The following CNTNAP2 variants were observed in gnomAD, a reference collection of about 807,000 sequenced individuals.
The protein encoded by CNTNAP2 is contactin-associated protein-like 2.
A neutral mutation model predicts 155.2 loss-of-function variants in CNTNAP2; 98 were observed. The ratio of observed to expected loss-of-function variants is 0.63; its 90% confidence interval spans 0.54 to 0.75. The LOEUF is 0.75. Ranked by LOEUF, CNTNAP2 falls within the 30% of genes least tolerant of loss-of-function variation. The probability of loss-of-function intolerance (pLI) is 0.00; values close to 1 mark genes in which losing one functional copy is unlikely to be tolerated. For missense variants in CNTNAP2, 1,727 were observed against 1,688.1 expected, an observed-to-expected ratio of 1.02 and a Z score of -0.40; for synonymous variants, 651 against 631.2, an observed-to-expected ratio of 1.03 and a Z score of -0.47.
chr7:148,152,131 C>T (rs529858692), intron 17 of CNTNAP2, among the ~76,000 whole-genome samples: 2 of 151,956 alleles, frequency 1.3e-5, no homozygotes, highest in Admixed American at 6.6e-5. Flanking sequence ...TTTTCTTGCC[C>T]GCTACACAGG....
At chr7:147,872,927 C>G (rs1799352326) in intron 13 of CNTNAP2, among the ~76,000 whole-genome samples, 1 of 152,176 alleles carries the variant, frequency 6.6e-6, no homozygotes, top group Non-Finnish European at 1.5e-5. Context: ...TAGTTCATGT[C>G]TCTTTAGATT....
intron 10 of CNTNAP2, among the ~76,000 whole-genome samples, chr7:147,417,911 C>A (rs570550749): frequency 1.3e-5 from 2 of 152,086 alleles, no homozygotes; most frequent in Non-Finnish European, 2.9e-5. Context: ...TAAAAGTTCA[C>A]GCAATTATTA....
chr7:146,995,082 T>C (rs900542529), intron 3 of CNTNAP2, among the ~76,000 whole-genome samples: 2 of 152,110 alleles, frequency 1.3e-5, no homozygotes, highest in South Asian at 2.1e-4. Context: ...AGTGAGATCA[T>C]GTGACATTTT....
chr7:147,068,613 T>G (rs570998456), intron 4 of CNTNAP2, among the ~76,000 whole-genome samples: 1 of 152,106 alleles, frequency 6.6e-6, no homozygotes, highest in South Asian at 2.1e-4. Flanking sequence ...AACCTCAGCC[T>G]CCCAAAGTGC....
chr7:147,388,470 A>G (rs1306915734), intron 9 of CNTNAP2, among the ~76,000 whole-genome samples: 1 of 152,222 alleles, frequency 6.6e-6, no homozygotes, highest in Non-Finnish European at 1.5e-5. Flanking sequence ...TTGACCAAAT[A>G]TACAATTTCA....
At chr7:147,080,878 C>T (rs1303869414) in intron 4 of CNTNAP2, 1 of 151,432 alleles carries the variant, frequency 6.6e-6, no homozygotes, top group Non-Finnish European at 1.5e-5. Flanking sequence ...GGCTATGTAT[C>T]CTGAAAAGTG....
At chr7:147,393,115 A>C (rs1796750542) in intron 9 of CNTNAP2, among the ~76,000 whole-genome samples, 1 of 152,054 alleles carries the variant, frequency 6.6e-6, no homozygotes, top group South Asian at 2.1e-4. Context: ...TGATTATAGA[A>C]GGGGACAACA....
intron 9 of CNTNAP2, among the ~76,000 whole-genome samples, chr7:147,333,366 C>T (rs2116845809): frequency 6.6e-6 from 1 of 152,144 alleles, no homozygotes; most frequent in African/African-American, 2.4e-5. Context: ...ATGAAAGGCA[C>T]TTTAGGCATA....
rs575334932 is a variant in CNTNAP2 at position 148,221,657 on chromosome 7, A to C, written c.3247+4133A>C. On this transcript the variant is annotated intron_variant, in intron 19 of 23. Coordinates refer to ENST00000361727, the MANE Select transcript of CNTNAP2 (RefSeq NM_014141.6). ...TACGCCAAAGTATCAGGAAAAAGCT[A>C]CTAGAAAGTCTCCACTAAACACCCT... 6.5e-4 allele frequency among the ~76,000 whole-genome samples: 99 copies of C among 152,334 alleles called. 1 individual carries two copies. The highest frequency in any genetic ancestry group is 2.3e-3 in the African/African-American group (96 of 41,568).
At chr7:146,535,529 A>AC (rs1797855029) in intron 1 of CNTNAP2, among the ~76,000 whole-genome samples, 1 of 112,700 alleles carries the variant, frequency 8.9e-6, no homozygotes, top group South Asian at 2.6e-4. Flanking sequence ...ACATTTGTTT[A>AC]TTTAAACTTT....
At position 146,823,531 on chromosome 7, in the gene CNTNAP2, A is replaced by C. The variant is rs186910532; in HGVS notation, c.209-16180A>C. Among the ~76,000 whole-genome samples the C allele has an allele frequency of 5.2e-3, 709 of 136,246 alleles. 12 individuals carry two copies. The highest frequency in any genetic ancestry group is 0.02 in the African/African-American group (605 of 30,330). The allele number at this position is 136,246 out of a possible 152,430, so 89.4% of individuals were successfully genotyped here. A position where few individuals can be genotyped will look rare whatever the true frequency, so the allele number is the denominator to read the frequency against. The stretch of plus-strand genomic sequence containing the variant: ...AATATACTCATTCTTCAGTATATTT[A>C]CATGGAAATATACTCATTCTTCAGT... On this transcript the variant is annotated intron_variant, in intron 2 of 23. Coordinates refer to ENST00000361727, the MANE Select transcript of CNTNAP2 (RefSeq NM_014141.6).
chr7:146,889,766 T>C (rs28513386), intron 3 of CNTNAP2, among the ~76,000 whole-genome samples: 3,519 of 152,266 alleles, frequency 0.023, 132 homozygotes, highest in African/African-American at 0.08. Context: ...TCCTTCCTAT[T>C]ATATTATCAT....
chr7:147,611,911 T>C (rs1315458974), intron 12 of CNTNAP2, among the ~76,000 whole-genome samples: 2 of 152,318 alleles, frequency 1.3e-5, no homozygotes, highest in Non-Finnish European at 2.9e-5. Flanking sequence ...ATATATTGCA[T>C]ATTTGGGGTG....
intron 20 of CNTNAP2, among the ~76,000 whole-genome samples, chr7:148,230,617 T>C (rs1795944741): frequency 6.6e-6 from 1 of 152,176 alleles, no homozygotes; most frequent in Admixed American, 6.5e-5. Flanking sequence ...CTGTGGGAAG[T>C]TCAGGTTGCA....
rs148539826 is a variant in CNTNAP2, at chr7:146,303,362, A to G, written c.97+186389A>G. ...ATCATGTACCCTCCTCAGTTTTTAA[A>G]CCTTATTTTAAAGTAAATACAAAAC... On this transcript the variant is annotated intron_variant, in intron 1 of 23. Transcript: ENST00000361727. Among the ~76,000 whole-genome samples the G allele has an allele frequency of 4.7e-3, 698 of 149,536 alleles. 5 individuals are homozygous for G. Among genetic ancestry groups the G allele is most frequent in the African/African-American group, 0.016 (654 of 39,704 alleles).
At chr7:146,357,459 T>C (rs1165318577) in intron 1 of CNTNAP2, among the ~76,000 whole-genome samples, 1 of 152,082 alleles carries the variant, frequency 6.6e-6, no homozygotes, top group Non-Finnish European at 1.5e-5. Context: ...TCATATAATC[T>C]ATATGAGTGT....
At chr7:147,557,415 A>G (rs1799972800) in intron 11 of CNTNAP2, among the ~76,000 whole-genome samples, 1 of 152,212 alleles carries the variant, frequency 6.6e-6, no homozygotes, top group South Asian at 2.1e-4. Context: ...TGGAGTTGCA[A>G]CAGAGAAAAA....
At chr7:146,335,102 C>T (rs1242225714) in intron 1 of CNTNAP2, among the ~76,000 whole-genome samples, 1 of 152,144 alleles carries the variant, frequency 6.6e-6, no homozygotes, top group Non-Finnish European at 1.5e-5. Flanking sequence ...CTGCCAGTGG[C>T]CAAATGCTCA....
intron 13 of CNTNAP2, among the ~76,000 whole-genome samples, chr7:147,894,411 C>G (rs371444990): frequency 6.6e-6 from 1 of 152,020 alleles, no homozygotes; most frequent in East Asian, 1.9e-4. Context: ...TTCAAATAAC[C>G]AAATGTTACC....
Sources: allele counts gnomAD v4.1 joint callset (sites outside exome capture counted in the v4.1 genomes callset), GRCh38; gene constraint gnomAD v4.1.1; transcripts MANE v1.5; gene names NCBI Gene and HGNC (gene_info 2026-07-23, HGNC 2026-07-21).